GALNTL6: variants seen among roughly 807,000 people sequenced by gnomAD.
The protein encoded by GALNTL6 is polypeptide N-acetylgalactosaminyltransferase like 6.
A neutral mutation model predicts 73.7 loss-of-function variants in GALNTL6; 46 were observed. The observed-to-expected ratio is 0.62, with a 90% CI of 0.49 to 0.80. The LOEUF is 0.80. Among genes scored for constraint, GALNTL6 ranks in the 30% least tolerant of loss-of-function variants. The pLI, the probability that GALNTL6 is intolerant of heterozygous loss-of-function variation, is 0.00. For synonymous variants in GALNTL6, 259 were observed against 263.7 expected, an observed-to-expected ratio of 0.98 and a Z score of 0.17; for missense variants, 604 against 755.0, an observed-to-expected ratio of 0.80 and a Z score of 2.34.
rs570321149 is a variant in GALNTL6 at position 172,776,343 on chromosome 4, A to G, written c.554-33018A>G. On this transcript the variant is annotated intron_variant, in intron 5 of 12. Coordinates refer to ENST00000506823, the MANE Select transcript of GALNTL6 (RefSeq NM_001034845.3). ...GTGAAATAACCACAGAGGTTGGTTAATGTATGCCAAAAATAGGAGGATCAG... is the reference window on the plus strand; with the variant it reads ...GTGAAATAACCACAGAGGTTGGTTAGTGTATGCCAAAAATAGGAGGATCAG... Among the ~76,000 whole-genome samples the G allele has an allele frequency of 6.6e-5, 10 of 152,292 alleles. No homozygotes were observed. In the South Asian group the frequency reaches 2.1e-3, roughly 32 times the overall value.
chr4:171,944,901 C>T (rs551203940), intron 2 of GALNTL6, among the ~76,000 whole-genome samples: 1 of 151,860 alleles, frequency 6.6e-6, no homozygotes, highest in South Asian at 2.1e-4. Flanking sequence ...GCTACCTATG[C>T]TTTTATAATA....
intron 5 of GALNTL6, among the ~76,000 whole-genome samples, chr4:172,799,648 C>A (rs191440421): frequency 6.6e-6 from 1 of 152,148 alleles, no homozygotes; most frequent in African/African-American, 2.4e-5. Flanking sequence ...GAGTAGACAC[C>A]CTTGTGTACT....
intron 5 of GALNTL6, among the ~76,000 whole-genome samples, chr4:172,450,259 T>A (rs1732164253): frequency 6.6e-6 from 1 of 151,244 alleles, no homozygotes; most frequent in South Asian, 2.1e-4. Context: ...CTAAACTGAC[T>A]TCTTCTGTCC....
chr4:172,771,506 G>A (rs1738758345), intron 5 of GALNTL6, among the ~76,000 whole-genome samples: 1 of 152,306 alleles, frequency 6.6e-6, no homozygotes, highest in South Asian at 2.1e-4. Context: ...CCTTTTGAGT[G>A]TCAGGTGTAT....
At chr4:171,869,324 A>T (rs1736070551) in intron 2 of GALNTL6, among the ~76,000 whole-genome samples, 1 of 152,166 alleles carries the variant, frequency 6.6e-6, no homozygotes, top group African/African-American at 2.4e-5. Context: ...AGCTAAACAA[A>T]ATGAATAATC....
chr4:172,494,677 C>T (rs574841395), intron 5 of GALNTL6, among the ~76,000 whole-genome samples: 1 of 152,318 alleles, frequency 6.6e-6, no homozygotes, highest in Admixed American at 6.5e-5. Flanking sequence ...TGACAAACCA[C>T]TGGCATAAGT....
chr4:171,818,601 T>C (rs553047427), intron 2 of GALNTL6, among the ~76,000 whole-genome samples: 127 of 150,522 alleles, frequency 8.4e-4, no homozygotes, highest in African/African-American at 3.0e-3. Flanking sequence ...GCCTAGGTCC[T>C]CTATGTCTCT....
chr4:171,922,644 T>C (rs1400151710), intron 2 of GALNTL6, among the ~76,000 whole-genome samples: 1 of 152,136 alleles, frequency 6.6e-6, no homozygotes, highest in Non-Finnish European at 1.5e-5. Context: ...TATTGCGGAA[T>C]AATTTGAGGT....
chr4:172,358,857 C>CAA (rs56119441), intron 5 of GALNTL6, among the ~76,000 whole-genome samples: 9 of 85,566 alleles, frequency 1.1e-4, no homozygotes, highest in African/African-American at 2.3e-4. Context: ...ATTAAAAAGT[C>CAA]AAAAAAAAAA....
chr4:173,032,322 A>G (rs1225650101), intron 12 of GALNTL6, among the ~76,000 whole-genome samples: 4 of 152,178 alleles, frequency 2.6e-5, no homozygotes, highest in Admixed American at 6.5e-5. Context: ...GTGGTGGCGG[A>G]TGACTGTAGT....
intron 2 of GALNTL6, among the ~76,000 whole-genome samples, chr4:171,955,941 T>G (rs1739033066): frequency 6.6e-6 from 1 of 152,180 alleles, no homozygotes; most frequent in Non-Finnish European, 1.5e-5. Flanking sequence ...AGTATTATAG[T>G]TTTTGGTATA....
At position 172,383,124 on chromosome 4, in the gene GALNTL6, C is replaced by A. The variant is rs561027933; in HGVS notation, c.553+34435C>A. ...TTGACTATTCTGGAGCCATTACATT[C>A]TCATGTATATTTTAGGATCAGCTTG... On this transcript the variant is annotated intron_variant, in intron 5 of 12. Coordinates refer to ENST00000506823, the MANE Select transcript of GALNTL6 (RefSeq NM_001034845.3). Among the ~76,000 whole-genome samples, 6 of 152,018 alleles carry A rather than the reference C, an allele frequency of 3.9e-5. 1 individual carries two copies. The highest frequency in any genetic ancestry group is 2.9e-5 in the Non-Finnish European group (2 of 67,934).
intron 2 of GALNTL6, among the ~76,000 whole-genome samples, chr4:172,219,026 A>T (rs1736584324): frequency 6.6e-6 from 1 of 150,970 alleles, no homozygotes; most frequent in African/African-American, 2.4e-5. Context: ...TGAGACCAGA[A>T]TTTTTGTTCT....
chr4:171,885,528 A>G (rs112788878), intron 2 of GALNTL6, among the ~76,000 whole-genome samples: 9 of 152,298 alleles, frequency 5.9e-5, no homozygotes, highest in African/African-American at 2.2e-4. Flanking sequence ...ATTATAGGCT[A>G]GGCATGGTGG....
At chr4:172,666,138 C>G (rs1351674948) in intron 5 of GALNTL6, among the ~76,000 whole-genome samples, 5 of 152,068 alleles carry the variant, frequency 3.3e-5, no homozygotes, top group Non-Finnish European at 7.4e-5. Flanking sequence ...GTTCTATGCC[C>G]TCATTGTCTA....
At chr4:172,724,961 A>C (rs1487855632) in intron 5 of GALNTL6, among the ~76,000 whole-genome samples, 2 of 152,130 alleles carry the variant, frequency 1.3e-5, no homozygotes, top group Non-Finnish European at 2.9e-5. Flanking sequence ...CAGGACACCC[A>C]GACATGATTT....
At chr4:172,853,081 G>C (rs952599910) in intron 7 of GALNTL6, among the ~76,000 whole-genome samples, 6 of 152,154 alleles carry the variant, frequency 3.9e-5, no homozygotes, top group Admixed American at 2.6e-4. Flanking sequence ...TGCAGGTCAG[G>C]AGTCTGAGCA....
chr4:172,688,305 A>C (rs1733055263), intron 5 of GALNTL6, among the ~76,000 whole-genome samples: 1 of 152,230 alleles, frequency 6.6e-6, no homozygotes, highest in African/African-American at 2.4e-5. Context: ...TTTCCTTCAC[A>C]TAATCTGAGG....
intron 5 of GALNTL6, among the ~76,000 whole-genome samples, chr4:172,363,128 T>C (rs1042039724): frequency 6.6e-6 from 1 of 152,172 alleles, no homozygotes; most frequent in Non-Finnish European, 1.5e-5. Context: ...TTCTCTATAG[T>C]CCATATGGCA....
Sources: allele counts gnomAD v4.1 joint callset (sites outside exome capture counted in the v4.1 genomes callset), GRCh38; gene constraint gnomAD v4.1.1; transcripts MANE v1.5; gene names NCBI Gene and HGNC (gene_info 2026-07-23, HGNC 2026-07-21).